VWF: variants seen among roughly 807,000 people sequenced by gnomAD.
The protein encoded by VWF is von Willebrand factor, also known as Factor VIII related antigen.
A neutral mutation model predicts 308.6 loss-of-function variants in VWF; 176 were observed. The observed-to-expected ratio is 0.57, with a 90% CI of 0.50 to 0.65. VWF has a LOEUF of 0.65. VWF is among the 30% of genes least tolerant of loss of function. The probability of loss-of-function intolerance (pLI) is 0.00; values close to 1 mark genes in which losing one functional copy is unlikely to be tolerated. For missense variants in VWF, 3,146 were observed against 3,648.2 expected (o/e 0.86, Z 3.55); for synonymous variants, 1,385 against 1,443.4 (o/e 0.96, Z 0.92).
intron 22 of VWF, 148 bp downstream of exon 22, chr12:6,029,194 C>A (rs1944228982): frequency 2.0e-6 from 2 of 1,016,220 alleles, no homozygotes; most frequent in African/African-American, 3.2e-5. Flanking sequence ...ATCAATTCAA[C>A]AAGAAGAGCT....
intron 31 of VWF, among the ~76,000 whole-genome samples, chr12:6,015,634 T>C (rs924510771): frequency 1.3e-5 from 2 of 152,122 alleles, no homozygotes; most frequent in Middle Eastern, 3.4e-3. Context: ...TCCTACAGCA[T>C]GATCCTTTGT....
Position 6,019,644 on chromosome 12 carries a change from A to G in VWF, c.3774T>C (p.Tyr1258=), listed in dbSNP as rs1169497252. 1.2e-6 allele frequency: 2 copies of G among 1,613,804 alleles called. No individual in the cohort carries two copies. The highest frequency in any genetic ancestry group is 2.7e-5 in the African/African-American group (2 of 74,998). Residue 1258 remains tyrosine, a synonymous_variant, in exon 28 of 52, where the codon TAT becomes TAC. Transcript: ENST00000261405. This position sits in a 1 kb window ranked among gnomAD's most constrained non-coding sequence, Gnocchi z 5.8. ...ACGGCGGTTCCGAGATGTCCTCCAC[A>G]TACAGAGTGGTGGGGCTCACCGGGG... ...TDAPVSPTTL[Y]VEDISEPPLH...
At chr12:5,962,627 C>T (rs1384738407) in intron 47 of VWF, among the ~76,000 whole-genome samples, 2 of 97,904 alleles carry the variant, frequency 2.0e-5, no homozygotes, top group East Asian at 4.0e-4. Flanking sequence ...ACTGCAACCT[C>T]TGCCCCCTGG....
intron 43 of VWF, 86 bp downstream of exon 43, chr12:5,976,025 A>AC: frequency 1.9e-6 from 3 of 1,586,318 alleles, no homozygotes; most frequent in South Asian, 1.1e-5. Context: ...CAAAAAAAAA[A>AC]GAACCTTTCT....
chr12:5,950,167 TTGC>T (rs1943168048), intron 50 of VWF, among the ~76,000 whole-genome samples: 2 of 152,222 alleles, frequency 1.3e-5, no homozygotes, highest in Admixed American at 6.5e-5. Flanking sequence ...TGAGGAAGAC[TTGC>T]CTTTGTATCA....
rs1299369261 is a variant in VWF, at chr12:6,075,197, G to A, written c.874+138C>T. The A allele has an allele frequency of 5.5e-6, 6 of 1,099,506 alleles. No individual in the cohort carries two copies. The highest frequency in any genetic ancestry group is 1.5e-5 in the African/African-American group (1 of 65,462). 68.1% of individuals were successfully genotyped at this position (1,099,506 alleles called of 1,614,324 possible). A position where few individuals can be genotyped will look rare whatever the true frequency, so the allele number is the denominator to read the frequency against. ...CATTCAGGAAATGGGTCCGGGACAC[G>A]TGGCTTTGTAGTCACTGGCTGGCTG... is the stretch of plus-strand genomic sequence containing the variant. On this transcript the variant is annotated intron_variant, in intron 7 of 51. Transcript: ENST00000261405. The surrounding 1 kb of genome is among the most constrained non-coding windows in gnomAD (Gnocchi z 4.7).
At chr12:6,030,126 T>C (rs1309620130) in intron 21 of VWF, among the ~76,000 whole-genome samples, 1 of 152,182 alleles carries the variant, frequency 6.6e-6, no homozygotes, top group Non-Finnish European at 1.5e-5. Context: ...GACTCTCCAA[T>C]TCATCAGACT....
rs952060698 is a variant in VWF at position 5,987,446 on chromosome 12, T to C, written c.6799-1781A>G. On this transcript the variant is annotated intron_variant, in intron 38 of 51. Coordinates refer to ENST00000261405, the MANE Select transcript of VWF (RefSeq NM_000552.5). ...CAAGTGGCACATCCAGGCTTCGAAC[T>C]TAGCATTCTGGCCCCAGACACCACA... Among the ~76,000 whole-genome samples, 3 of 152,124 alleles carry C rather than the reference T, an allele frequency of 2.0e-5. No individual in the cohort carries two copies. In the South Asian group the frequency reaches 6.2e-4, roughly 32 times the overall value.
At position 5,981,983 on chromosome 12, in the gene VWF, T is replaced by C. The variant is rs1943611659; in HGVS notation, c.7090A>G (p.Lys2364Glu). The stretch of plus-strand genomic sequence containing the variant: ...GGGGACACTCTTTTGCACTCCTCCT[T>C]CCTGCAGGCTGAGGGTAGGACAAGG... ...CRPNFTCACRKEECKRVSPPS... is the reference protein window; with the variant it reads ...CRPNFTCACREEECKRVSPPS... Residue 2364 changes from lysine to glutamate, a missense_variant, in exon 42 of 52, where the codon AAG (lysine) becomes GAG (glutamate). By Grantham distance (56) the Lys-to-Glu change is moderately conservative. This residue lies in a region of VWF where 989 missense variants were observed against 1,117.4 expected (regional missense o/e 0.89). Transcript: ENST00000261405. The C allele has an allele frequency of 1.9e-6, 3 of 1,613,430 alleles. No homozygotes were observed. Among genetic ancestry groups the C allele is most frequent in the Admixed American group, 1.7e-5 (1 of 59,998 alleles).
chr12:5,966,276 TACAC>T (rs10657127), intron 47 of VWF, among the ~76,000 whole-genome samples: 1 of 151,140 alleles, frequency 6.6e-6, no homozygotes, highest in Admixed American at 6.6e-5. Flanking sequence ...TGTTACACAA[TACAC>T]ACACACACAC....
chr12:6,066,641 C>G (rs1944718516), intron 10 of VWF, among the ~76,000 whole-genome samples: 1 of 152,232 alleles, frequency 6.6e-6, no homozygotes, highest in Non-Finnish European at 1.5e-5. Flanking sequence ...GCTAGACCAA[C>G]GTTGGAAAGA....
At chr12:5,990,858 C>A (rs1282524951) in intron 38 of VWF, among the ~76,000 whole-genome samples, 1 of 90,832 alleles carries the variant, frequency 1.1e-5, no homozygotes, top group Admixed American at 1.5e-4. Context: ...CTCAATAACT[C>A]CCATAGAGCT....
chr12:6,103,182 G>T (rs1232001187), intron 5 of VWF, among the ~76,000 whole-genome samples: 1 of 151,878 alleles, frequency 6.6e-6, no homozygotes, highest in Non-Finnish European at 1.5e-5. Context: ...CAAAAAATTA[G>T]CCGGGTGTGG....
rs189584029 is a variant in VWF at position 6,104,156 on chromosome 12, G to T, written c.532+6218C>A. The stretch of plus-strand genomic sequence containing the variant: ...TTCAAAGGAAGACATACAAATATCT[G>T]ACAGGAATGTGAAAAAAATGGTCAA... On this transcript the variant is annotated intron_variant, in intron 5 of 51. Coordinates refer to ENST00000261405, the MANE Select transcript of VWF (RefSeq NM_000552.5). Among the ~76,000 whole-genome samples, 468 of 152,162 alleles carry T rather than the reference G, an allele frequency of 3.1e-3. 1 individual carries two copies. The highest frequency in any genetic ancestry group is 0.01 in the Middle Eastern group (3 of 292).
chr12:6,084,261 A>G (rs1036608462), intron 6 of VWF, among the ~76,000 whole-genome samples: 12 of 152,208 alleles, frequency 7.9e-5, no homozygotes, highest in Non-Finnish European at 1.3e-4. Flanking sequence ...CTGCTAAACC[A>G]TTCTGGCAGG....
At chr12:6,086,256 T>C (rs1295580636) in intron 6 of VWF, among the ~76,000 whole-genome samples, 1 of 152,196 alleles carries the variant, frequency 6.6e-6, no homozygotes, top group Non-Finnish European at 1.5e-5. Flanking sequence ...TAAGTCCTCA[T>C]TCCTTAGCCT....
At chr12:6,017,552 T>A (rs1313398748) in intron 28 of VWF, among the ~76,000 whole-genome samples, 1 of 152,230 alleles carries the variant, frequency 6.6e-6, no homozygotes, top group Non-Finnish European at 1.5e-5. Flanking sequence ...ATAAAGATGT[T>A]CAGGAACTAG....
At chr12:6,028,050 T>C (rs925762667) in intron 22 of VWF, among the ~76,000 whole-genome samples, 1 of 152,204 alleles carries the variant, frequency 6.6e-6, no homozygotes, top group African/African-American at 2.4e-5. Context: ...GCTGCCTCAC[T>C]GGCTTGTACA....
chr12:6,018,036 G>A (rs546311429), intron 28 of VWF, among the ~76,000 whole-genome samples: 32 of 151,096 alleles, frequency 2.1e-4, no homozygotes, highest in African/African-American at 7.1e-4. Context: ...TGGGGAAGAG[G>A]CTGTGTGATA....
Sources: gnomAD v4.1 joint callset for allele counts (sites outside exome capture counted in the v4.1 genomes callset) on GRCh38, gnomAD v4.1.1 for gene constraint, gnomAD v4.1.1 regional missense constraint, Gnocchi (gnomAD v3.1) non-coding constraint, MANE v1.5 for transcripts, NCBI Gene and HGNC (gene_info 2026-07-23, HGNC 2026-07-21) for gene names.